ABCA12: variants seen among roughly 807,000 people sequenced by gnomAD.
ABCA12 encodes the protein glucosylceramide transporter ABCA12.
ABCA12 carries 156 observed loss-of-function variants against 293.5 expected under a neutral mutation model. The ratio of observed to expected loss-of-function variants is 0.53; its 90% CI spans 0.47 to 0.61. ABCA12 has a LOEUF of 0.61. Among genes scored for constraint, ABCA12 ranks in the 20% least tolerant of loss-of-function variants. The pLI is 0.00. For missense variants in ABCA12, 2,797 were observed against 3,090.2 expected (o/e 0.91, Z 2.25); for synonymous variants, 1,063 against 1,108.0 (o/e 0.96, Z 0.81).
intron 50 of ABCA12, among the ~76,000 whole-genome samples, 168 bp from the exon 51 acceptor site, chr2:214,937,783 T>C (rs570378323): frequency 6.6e-6 from 1 of 152,158 alleles, no homozygotes. Flanking sequence ...AAACTGGAAA[T>C]AGTGCACTGC....
At chr2:215,004,356 GTC>G in intron 19 of ABCA12, 57 bp from the exon 20 acceptor site, 1 of 1,324,594 alleles carries the variant, frequency 7.5e-7, no homozygotes, top group Non-Finnish European at 1.1e-6. Context: ...GTTTGACATT[GTC>G]TCTCTAATAA....
chr2:215,045,934 G>A lies in ABCA12; in HGVS notation c.775C>T (p.Gln259Ter). The A allele has an allele frequency of 1.2e-6, 2 of 1,613,626 alleles. No homozygotes were observed. The highest frequency in any genetic ancestry group is 8.5e-7 in the Non-Finnish European group (1 of 1,179,734). Reference protein sequence around the residue: ...MLSFFSQVQEQKAVWQLLSSF... With the variant: ...MLSFFSQVQE ...GACAGAAGCTGCCACACAGCTTTCT[G>A]CTCTTGCACTTGTGAGAAGAAAGAC... is the stretch of plus-strand genomic sequence containing the variant. Residue 259 changes from glutamine (Q) to a stop codon, truncating the protein, a stop_gained, in exon 7 of 53, where the codon CAG (glutamine) becomes TAG (stop). Transcript: ENST00000272895. LOFTEE classifies it high-confidence loss of function.
Position 215,052,550 on chromosome 2 carries a change from T to G in ABCA12, c.444A>C (p.Glu148Asp), listed in dbSNP as rs570391377. ...CATTGAAAGTATATGTTCCGGGGAT[T>G]TCCAAATCAGAACTTGGACTGGGAA... The part of the protein sequence containing the change: ...TVFPSPSSDL[E>D]IPGTYTFNGS... Residue 148 changes from glutamate (E) to aspartate (D), a missense_variant, in exon 5 of 53, where the codon GAA becomes GAC. By Grantham distance (45) the Glu-to-Asp change is conservative (BLOSUM62 2). Transcript: ENST00000272895. 5 of 1,612,694 alleles carry G rather than the reference T, an allele frequency of 3.1e-6. No homozygotes were observed. Among genetic ancestry groups the G allele is most frequent in the Non-Finnish European group, 4.2e-6 (5 of 1,178,982 alleles).
chr2:214,974,191 C>T, intron 35 of ABCA12, 149 bp from the exon 36 acceptor site: 1 of 756,654 alleles, frequency 1.3e-6, no homozygotes, highest in Non-Finnish European at 2.3e-6. Flanking sequence ...GTGTACATTG[C>T]TCCACCATTT....
At chr2:214,945,992 G>T (rs1226876829) in intron 48 of ABCA12, among the ~76,000 whole-genome samples, 1 of 152,042 alleles carries the variant, frequency 6.6e-6, no homozygotes, top group East Asian at 1.9e-4. Flanking sequence ...TAGACAAGAA[G>T]CATAAGTTCT....
rs140514730 is a variant in ABCA12, at chr2:215,050,176, G to A, written c.508-365C>T. 1.2e-4 allele frequency among the ~76,000 whole-genome samples: 19 copies of A among 152,250 alleles called. No individual in the cohort carries two copies. In the South Asian group the frequency reaches 1.9e-3, roughly 15 times the overall value. On this transcript the variant is annotated intron_variant, in intron 5 of 52. Coordinates refer to ENST00000272895, the MANE Select transcript of ABCA12 (RefSeq NM_173076.3). ...GACATTGAGTAGCAGAAACTCAGGTGTCCTAACTCTTCATGGCACTCATAG... is the reference window on the plus strand; with the variant it reads ...GACATTGAGTAGCAGAAACTCAGGTATCCTAACTCTTCATGGCACTCATAG...
intron 42 of ABCA12, among the ~76,000 whole-genome samples, chr2:214,955,628 C>A (rs1698923881): frequency 6.6e-6 from 1 of 152,182 alleles, no homozygotes; most frequent in Non-Finnish European, 1.5e-5. Flanking sequence ...CATGCCACTG[C>A]ACTCCAGCCT....
chr2:215,057,168 A>G (rs1701435614), intron 3 of ABCA12, among the ~76,000 whole-genome samples: 1 of 152,020 alleles, frequency 6.6e-6, no homozygotes, highest in Non-Finnish European at 1.5e-5. Context: ...GAGTTAGAAG[A>G]TATCTTCAGA....
intron 48 of ABCA12, among the ~76,000 whole-genome samples, chr2:214,945,409 T>TTCTA (rs751258200): frequency 6.6e-6 from 1 of 152,222 alleles, no homozygotes; most frequent in Non-Finnish European, 1.5e-5. Context: ...TTATATTTAA[T>TTCTA]TCTATCTTGC....
At chr2:215,119,773 A>G (rs75637830) in intron 1 of ABCA12, among the ~76,000 whole-genome samples, 5,043 of 149,674 alleles carry the variant, frequency 0.034, 145 homozygotes, top group African/African-American at 0.066. Context: ...ACAAAAAAAA[A>G]CAGATGCTGG....
intron 23 of ABCA12, among the ~76,000 whole-genome samples, chr2:214,991,841 G>T (rs950889042): frequency 6.6e-5 from 10 of 152,048 alleles, no homozygotes; most frequent in African/African-American, 2.4e-4. Flanking sequence ...GATTCTGAAA[G>T]ATTTAAAGTC....
intron 1 of ABCA12, among the ~76,000 whole-genome samples, chr2:215,119,479 A>T (rs1702755872): frequency 6.6e-6 from 1 of 152,078 alleles, no homozygotes; most frequent in Non-Finnish European, 1.5e-5. Context: ...GTTAATTTTT[A>T]TATATGGGGA....
At chr2:215,067,637 T>C (rs935693935) in intron 2 of ABCA12, among the ~76,000 whole-genome samples, 1 of 152,086 alleles carries the variant, frequency 6.6e-6, no homozygotes, top group Non-Finnish European at 1.5e-5. Context: ...TAGGGTGAGG[T>C]ATGTGTTGGT....
Position 215,011,489 on chromosome 2 carries a change from T to C in ABCA12, c.2282A>G (p.Lys761Arg), listed in dbSNP as rs139213311. The stretch of plus-strand genomic sequence containing the variant: ...TGAAGCAATTTGCTCTTTAGTTAAT[T>C]TATAAGTCAAAAAATCCTTGGTGTG... ...GNHTKDFLTYKLTKEQIASKY... is the reference protein window; with the variant it reads ...GNHTKDFLTYRLTKEQIASKY... Residue 761 changes from lysine (K) to arginine (R), a missense_variant, in exon 17 of 53, where the codon AAA (lysine) becomes AGA (arginine). This residue lies in a region of ABCA12 where 2,130 missense variants were observed against 2,427.0 expected (regional missense o/e 0.88). Transcript: ENST00000272895. 59 of 1,613,900 alleles carry C rather than the reference T, an allele frequency of 3.7e-5. No homozygotes were observed. The highest frequency in any genetic ancestry group is 4.7e-5 in the Non-Finnish European group (56 of 1,179,884).
intron 2 of ABCA12, among the ~76,000 whole-genome samples, chr2:215,109,145 T>G (rs1305309027): frequency 6.6e-6 from 1 of 152,168 alleles, no homozygotes; most frequent in African/African-American, 2.4e-5. Flanking sequence ...ATAGCACCTC[T>G]GATTACAAAA....
In ABCA12 at chr2:214,975,947, G is replaced by A. The variant is rs749595180; in HGVS notation, c.5219C>T (p.Thr1740Ile). ...AATGAGACCTTTCCAGTTCCTGCGGGTGTGGTGGAACCTCTTGATGAGTAT... is the reference window on the plus strand; with the variant it reads ...AATGAGACCTTTCCAGTTCCTGCGGATGTGGTGGAACCTCTTGATGAGTAT... Reference protein sequence around the residue: ...MAILIKRFHHTRRNWKGLIAQ... With the variant: ...MAILIKRFHHIRRNWKGLIAQ... The change falls in exon 34 of 53, where the codon ACC becomes ATC. Residue 1740 changes from threonine to isoleucine, a missense_variant. Around this residue, in one of 3 missense-constraint regions of ABCA12, gnomAD observed 2,130 missense variants for 2,427.0 expected, o/e 0.88. Transcript: ENST00000272895. 4 of 1,614,000 alleles carry A rather than the reference G, an allele frequency of 2.5e-6. No homozygotes were observed. Among genetic ancestry groups the A allele is most frequent in the Non-Finnish European group, 3.4e-6 (4 of 1,179,988 alleles).
At position 214,975,811 on chromosome 2, in the gene ABCA12, A is replaced by G; in HGVS notation, c.5355T>C (p.Gly1785=). The change falls in exon 34 of 53, where the codon GGT becomes GGC. Residue 1785 remains glycine (G), a synonymous_variant. Transcript: ENST00000272895. ...CATAGAAGGCTGTCTGTTCGGAGGT[A>G]CCATAAAGAGAGGGGGAGATCTGAA... The part of the protein sequence containing the change: ...PEIQISPSLY[G]TSEQTAFYAN... 6.2e-7 allele frequency: 1 copy of G among 1,614,122 alleles called. No homozygotes were observed. Among genetic ancestry groups the G allele is most frequent in the Non-Finnish European group, 8.5e-7 (1 of 1,179,972 alleles).
In ABCA12 at chr2:214,970,356, G is replaced by A. The variant is rs755231595; in HGVS notation, c.5607C>T (p.Tyr1869=). The A allele has an allele frequency of 2.5e-6, 4 of 1,613,176 alleles. No individual in the cohort carries two copies. Among genetic ancestry groups the A allele is most frequent in the Non-Finnish European group, 3.4e-6 (4 of 1,179,452 alleles). Residue 1869 remains tyrosine, a synonymous_variant, in exon 37 of 53, where the codon TAC becomes TAT. Coordinates refer to ENST00000272895, the MANE Select transcript of ABCA12 (RefSeq NM_173076.3). ...TGAGGTTATAAATTACCTGGGATGA[G>A]TAAGTTCTTCTGTGCGGTGGGGAAT... ...FNYSPPHRRT[Y]SSQVIYNLTG...
chr2:214,997,617 T>C (rs1700062719), intron 23 of ABCA12, 78 bp downstream of exon 23: 1 of 1,123,164 alleles, frequency 8.9e-7, no homozygotes, highest in Non-Finnish European at 1.3e-6. Flanking sequence ...TTCTGAAGTT[T>C]ATAAAGGCAT....
Sources: allele counts gnomAD v4.1 joint callset (sites outside exome capture counted in the v4.1 genomes callset), GRCh38; gene constraint gnomAD v4.1.1; regional missense constraint gnomAD v4.1.1; transcripts MANE v1.5; gene names NCBI Gene and HGNC (gene_info 2026-07-23, HGNC 2026-07-21).